Variants in PRRC2B observed in about 807,000 individuals in gnomAD.
PRRC2B encodes proline rich coiled-coil 2B.
In PRRC2B, 68 loss-of-function variants were observed where a neutral mutation model predicts 242.3. The observed-to-expected ratio is 0.28, with a 90% CI of 0.23 to 0.34. The LOEUF (loss-of-function observed/expected upper bound fraction) is 0.34. Among genes scored for constraint, PRRC2B ranks in the 10% least tolerant of loss-of-function variants. The pLI is 1.00. For missense variants in PRRC2B, 2,835 were observed against 2,954.8 expected, an observed-to-expected ratio of 0.96 and a Z score of 0.94; for synonymous variants, 1,228 against 1,173.6, an observed-to-expected ratio of 1.05 and a Z score of -0.95.
intron 19 of PRRC2B, among the ~76,000 whole-genome samples, chr9:131,480,271 C>T (rs1024980666): frequency 6.6e-6 from 1 of 152,234 alleles, no homozygotes; most frequent in Admixed American, 6.5e-5. Flanking sequence ...AGCTTGTCCT[C>T]ATGTGCTCGG....
At position 131,468,405 on chromosome 9, in the gene PRRC2B, A is replaced by G. The variant is rs564431276; in HGVS notation, c.1911+652A>G. ...CAGAGTGTTTCATGCCATATCGCCT[A>G]TAAACTATTTTATTGGTGTCACCGT... On this transcript the variant is annotated intron_variant, in intron 13 of 31. Transcript: ENST00000683519. Among the ~76,000 whole-genome samples the G allele has an allele frequency of 1.9e-4, 29 of 152,336 alleles. No individual in the cohort carries two copies. The South Asian group carries it at 5.6e-3, about 29-fold the overall frequency.
At chr9:131,430,441 CTCTT>C (rs538804206) in intron 2 of PRRC2B, among the ~76,000 whole-genome samples, 182 bp downstream of exon 2, 2 of 149,228 alleles carry the variant, frequency 1.3e-5, no homozygotes, top group South Asian at 2.1e-4. Context: ...AGCATCCTGA[CTCTT>C]TCTGTAGTGG....
chr9:131,448,768 A>G (rs948303464), intron 9 of PRRC2B, among the ~76,000 whole-genome samples: 3 of 151,450 alleles, frequency 2.0e-5, no homozygotes, highest in Non-Finnish European at 2.9e-5. Flanking sequence ...CCATCCCCCA[A>G]CCTGATTATT....
At chr9:131,478,406 T>G in intron 17 of PRRC2B, 68 bp from the exon 18 acceptor site, 1 of 1,477,920 alleles carries the variant, frequency 6.8e-7, no homozygotes, top group Non-Finnish European at 9.4e-7. Context: ...CAGGCGCCTG[T>G]TGAATTGGGT....
intron 1 of PRRC2B, among the ~76,000 whole-genome samples, chr9:131,420,460 T>TC (rs1837781650): frequency 1.1e-4 from 1 of 9,040 alleles, no homozygotes; most frequent in Non-Finnish European, 5.1e-4. Context: ...TCTTTTTCTT[T>TC]CTTTCTTTCT....
intron 28 of PRRC2B, among the ~76,000 whole-genome samples, chr9:131,489,861 C>T (rs980162563): frequency 1.1e-4 from 16 of 152,008 alleles, no homozygotes; most frequent in Admixed American, 8.5e-4. Flanking sequence ...CCACACCCCT[C>T]GAACCACTTT....
intron 25 of PRRC2B, 73 bp from the exon 26 acceptor site, chr9:131,486,012 G>GT (rs1944013271): frequency 9.6e-7 from 1 of 1,040,364 alleles, no homozygotes; most frequent in African/African-American, 1.6e-5. Flanking sequence ...CCTGTAGACT[G>GT]TTTCCCTCAG....
intron 1 of PRRC2B, among the ~76,000 whole-genome samples, chr9:131,395,833 G>C (rs1366954215): frequency 6.6e-6 from 1 of 152,202 alleles, no homozygotes; most frequent in Non-Finnish European, 1.5e-5. Flanking sequence ...CTAGAACTTA[G>C]TAGACCCGGA....
chr9:131,432,727 A>G lies in PRRC2B; in HGVS notation c.226A>G (p.Asn76Asp). ...GTCTGAAAACAAAGGAAACGACCCC[A>G]ACATCGTGATAGTACCCAAGGACGG... ...LKSENKGNDP[N>D]IVIVPKDGTG... The change falls in exon 3 of 32, where the codon AAC becomes GAC. Residue 76 changes from asparagine (N) to aspartate (D), a missense_variant. Transcript: ENST00000683519. The G allele has an allele frequency of 1.2e-6, 2 of 1,614,076 alleles. No individual in the cohort carries two copies. Among genetic ancestry groups the G allele is most frequent in the Non-Finnish European group, 1.7e-6 (2 of 1,179,904 alleles).
chr9:131,481,239 G>A (rs1305577986), intron 19 of PRRC2B, among the ~76,000 whole-genome samples: 1 of 147,448 alleles, frequency 6.8e-6, no homozygotes, highest in Non-Finnish European at 1.5e-5. Context: ...GAACCCGGGA[G>A]GCAGAGCTTG....
rs1317514815 is a variant in PRRC2B at position 131,475,712 on chromosome 9, A to G, written c.3583A>G (p.Ser1195Gly). 1 of 1,613,096 alleles carries G rather than the reference A, an allele frequency of 6.2e-7. No homozygotes were observed. Among genetic ancestry groups the G allele is most frequent in the Non-Finnish European group, 8.5e-7 (1 of 1,179,714 alleles). The change falls in exon 16 of 32, where the codon AGC becomes GGC. Residue 1195 changes from serine (S) to glycine (G), a missense_variant. Coordinates refer to ENST00000683519, the MANE Select transcript of PRRC2B (RefSeq NM_013318.4). ...GGACCACAGCGGTCTAGATGCCAAG[A>G]GCCGAGGCCCTCGGGCCTTTGGGCG... ...SEDHSGLDAK[S>G]RGPRAFGRAL...
chr9:131,491,600 C>G lies in PRRC2B; in HGVS notation c.6381+20C>G. On this transcript the variant is annotated intron_variant, in intron 29 of 31. Coordinates refer to ENST00000683519, the MANE Select transcript of PRRC2B (RefSeq NM_013318.4). ...AGAGAGGTAAGGGGACCCCATCTGC[C>G]TCTGACCCTAGGGAGGGGGCCTTGT... 1 of 1,595,230 alleles carries G rather than the reference C, an allele frequency of 6.3e-7. No homozygotes were observed. Among genetic ancestry groups the G allele is most frequent in the Middle Eastern group, 1.7e-4 (1 of 5,962 alleles).
chr9:131,408,409 G>A (rs1837424078), intron 1 of PRRC2B, among the ~76,000 whole-genome samples: 1 of 152,198 alleles, frequency 6.6e-6, no homozygotes, highest in Non-Finnish European at 1.5e-5. Flanking sequence ...GTAGGGAAAT[G>A]GGTAAATAAA....
intron 9 of PRRC2B, among the ~76,000 whole-genome samples, chr9:131,448,559 A>AAAACAAAAAAAAAAC (rs1838899930): frequency 6.7e-5 from 9 of 135,268 alleles, no homozygotes; most frequent in East Asian, 2.2e-4. Flanking sequence ...AAAAAAAAAA[A>AAAACAAAAAAAAAAC]AAAAAAAAAA....
At position 131,476,286 on chromosome 9, in the gene PRRC2B, G is replaced by A. The variant is rs1202030994; in HGVS notation, c.4157G>A (p.Arg1386Gln). ...TCCGAAAGCAGCGACTTCAGCGAGC[G>A]GCGGGAGCGGCGGGAAGGCCCTGGG... is the stretch of plus-strand genomic sequence containing the variant. ...TASESSDFSE[R>Q]RERREGPGSE... Residue 1386 changes from arginine to glutamine, a missense_variant, in exon 16 of 32, where the codon CGG becomes CAG. Arg to Gln is a conservative substitution (Grantham distance 43). Around this residue, in one of 7 missense-constraint regions of PRRC2B, gnomAD observed 1,536 missense variants for 1,483.1 expected, o/e 1.04. Coordinates refer to ENST00000683519, the MANE Select transcript of PRRC2B (RefSeq NM_013318.4). The A allele has an allele frequency of 1.5e-5, 23 of 1,585,048 alleles. 1 individual carries two copies. Among genetic ancestry groups the A allele is most frequent in the Non-Finnish European group, 1.9e-5 (22 of 1,166,276 alleles).
At position 131,436,604 on chromosome 9, in the gene PRRC2B, C is replaced by G; in HGVS notation, c.294-16C>G. 1 of 1,608,204 alleles carries G rather than the reference C, an allele frequency of 6.2e-7. No homozygotes were observed. The highest frequency in any genetic ancestry group is 1.7e-5 in the Admixed American group (1 of 59,806). ...CTCTGTGCGGTGCCTGACCCCACTGCCCTGCCTTTGTCTAGTTCCAGTGCG... is the reference window on the plus strand; with the variant it reads ...CTCTGTGCGGTGCCTGACCCCACTGGCCTGCCTTTGTCTAGTTCCAGTGCG... On this transcript the variant is annotated splice_polypyrimidine_tract_variant and intron_variant, in intron 3 of 31. Transcript: ENST00000683519.
intron 1 of PRRC2B, among the ~76,000 whole-genome samples, chr9:131,421,936 G>A: frequency 6.6e-6 from 1 of 152,234 alleles, no homozygotes; most frequent in Non-Finnish European, 1.5e-5. Context: ...CCAGGTCGTG[G>A]GGCATTCAGT....
At position 131,467,686 on chromosome 9, in the gene PRRC2B, C is replaced by T. The variant is rs1441446344; in HGVS notation, c.1844C>T (p.Ala615Val). 6 of 1,613,998 alleles carry T rather than the reference C, an allele frequency of 3.7e-6. No individual in the cohort carries two copies. The highest frequency in any genetic ancestry group is 2.2e-5 in the East Asian group (1 of 44,892). ...GAGGCCAGAGAGGCTGGGTCCCCTG[C>T]ACAGGAGTTCAAGTATCAGAAGTCC... ...EEEAREAGSPAQEFKYQKSLP... is the reference protein window; with the variant it reads ...EEEAREAGSPVQEFKYQKSLP... Residue 615 changes from alanine (A) to valine (V), a missense_variant, in exon 13 of 32, where the codon GCA becomes GTA. Coordinates refer to ENST00000683519, the MANE Select transcript of PRRC2B (RefSeq NM_013318.4).
chr9:131,428,152 C>T (rs1019618988), intron 1 of PRRC2B, among the ~76,000 whole-genome samples: 15 of 151,952 alleles, frequency 9.9e-5, no homozygotes, highest in African/African-American at 3.4e-4. Flanking sequence ...GAGCTCCTGA[C>T]CTCGTGATCC....
Sources: gnomAD v4.1 joint callset for allele counts (sites outside exome capture counted in the v4.1 genomes callset) on GRCh38, gnomAD v4.1.1 for gene constraint, gnomAD v4.1.1 regional missense constraint, MANE v1.5 for transcripts, NCBI Gene and HGNC (gene_info 2026-07-23, HGNC 2026-07-21) for gene names.